Variants in FRMD4A observed in about 807,000 individuals in gnomAD.
FRMD4A encodes FERM domain-containing protein 4A.
Under a neutral mutation model 129.1 loss-of-function variants are expected in FRMD4A, and 29 were observed. That is an observed-to-expected ratio of 0.22 (90% CI 0.17 to 0.31). FRMD4A has a LOEUF of 0.31. Among genes scored for constraint, FRMD4A ranks in the 10% least tolerant of loss-of-function variants. The pLI is 1.00. For synonymous variants in FRMD4A, 634 were observed against 571.6 expected, an observed-to-expected ratio of 1.11 and a Z score of -1.56; for missense variants, 1,272 against 1,375.8, an observed-to-expected ratio of 0.92 and a Z score of 1.19.
intron 2 of FRMD4A, among the ~76,000 whole-genome samples, chr10:13,878,731 C>T (rs374873763): frequency 8.1e-5 from 12 of 147,770 alleles, no homozygotes; most frequent in Middle Eastern, 6.9e-3. Context: ...CCAGCCTGGG[C>T]GACACAGCGA....
At chr10:13,878,681 A>T (rs1489360627) in intron 2 of FRMD4A, among the ~76,000 whole-genome samples, 1 of 151,940 alleles carries the variant, frequency 6.6e-6, no homozygotes, top group Admixed American at 6.6e-5. Flanking sequence ...TGAACCCGGG[A>T]GGCGGAGGTT....
At chr10:13,793,284 G>T (rs1457786998) in intron 5 of FRMD4A, among the ~76,000 whole-genome samples, 1 of 151,334 alleles carries the variant, frequency 6.6e-6, no homozygotes, top group Non-Finnish European at 1.5e-5. Context: ...TGATTCTCCT[G>T]CCTCAGCCTC....
intron 2 of FRMD4A, among the ~76,000 whole-genome samples, chr10:14,201,350 C>T (rs891802290): frequency 6.6e-6 from 1 of 152,186 alleles, no homozygotes; most frequent in Non-Finnish European, 1.5e-5. Context: ...GTTAGAATAA[C>T]TGGCGTCGGT....
At chr10:13,877,813 A>G (rs2094503501) in intron 2 of FRMD4A, among the ~76,000 whole-genome samples, 1 of 152,170 alleles carries the variant, frequency 6.6e-6, no homozygotes, top group South Asian at 2.1e-4. Flanking sequence ...GAACCATCCC[A>G]GACACTTCAT....
At chr10:13,804,445 G>A (rs1588821907) in intron 4 of FRMD4A, among the ~76,000 whole-genome samples, 2 of 152,216 alleles carry the variant, frequency 1.3e-5, no homozygotes, top group South Asian at 4.1e-4. Context: ...CCTGAGGACA[G>A]CACAGACCCA....
chr10:13,812,592 A>C lies in FRMD4A; in HGVS notation c.112-1684T>G, dbSNP rs546370808. ...CCCATAGGGACCTTAGACTTTTAAC[A>C]GGGACACGGAGTAAGAGCTAGCGCT... On this transcript the variant is annotated intron_variant, in intron 3 of 24. Coordinates refer to ENST00000357447, the MANE Select transcript of FRMD4A (RefSeq NM_018027.5). Among the ~76,000 whole-genome samples the C allele has an allele frequency of 3.9e-5, 6 of 152,374 alleles. No individual in the cohort carries two copies. The East Asian group carries it at 1.2e-3, about 29-fold the overall frequency.
At chr10:13,647,364 T>C (rs2081191155) in intron 24 of FRMD4A, 1 of 152,136 alleles carries the variant, frequency 6.6e-6, no homozygotes, top group African/African-American at 2.4e-5. Context: ...CTGGGCCCAA[T>C]TGATTTGGGG....
chr10:14,199,282 TTTTATTTA>T (rs3034001), intron 2 of FRMD4A, among the ~76,000 whole-genome samples: 62,975 of 130,432 alleles, frequency 0.48, 14,373 homozygotes, highest in Middle Eastern at 0.6. Flanking sequence ...AAGTGTCTTA[TTTTATTTA>T]TTTATTTATT....
At chr10:14,049,973 C>T (rs1337120160) in intron 2 of FRMD4A, among the ~76,000 whole-genome samples, 2 of 152,306 alleles carry the variant, frequency 1.3e-5, no homozygotes, top group South Asian at 2.1e-4. Context: ...ATTCTCACGT[C>T]GACAATATTT....
chr10:14,238,564 G>A (rs1029251872), intron 2 of FRMD4A, among the ~76,000 whole-genome samples: 7 of 151,926 alleles, frequency 4.6e-5, no homozygotes, highest in Non-Finnish European at 7.4e-5. Flanking sequence ...TGTGCAGAAC[G>A]TGCAGGTTTG....
At chr10:13,654,811 G>T in intron 22 of FRMD4A, 1 of 460,484 alleles carries the variant, frequency 2.2e-6, no homozygotes, top group Non-Finnish European at 3.8e-6. Flanking sequence ...GCCACCAGGA[G>T]GTAGGCATAG....
At chr10:13,679,804 G>C (rs1012777859) in intron 15 of FRMD4A, among the ~76,000 whole-genome samples, 2 of 152,032 alleles carry the variant, frequency 1.3e-5, no homozygotes, top group Non-Finnish European at 2.9e-5. Flanking sequence ...CTGAGCCTGC[G>C]GGCTGCTACC....
intron 2 of FRMD4A, among the ~76,000 whole-genome samples, chr10:14,122,839 T>A (rs1277075055): frequency 6.6e-6 from 1 of 152,174 alleles, no homozygotes; most frequent in African/African-American, 2.4e-5. Flanking sequence ...TCAATACATA[T>A]ACTGTATAGT....
At chr10:14,242,673 AC>A (rs1367546151) in intron 2 of FRMD4A, among the ~76,000 whole-genome samples, 2 of 152,348 alleles carry the variant, frequency 1.3e-5, no homozygotes, top group South Asian at 2.1e-4. Flanking sequence ...GATAGATGGA[AC>A]ACAAGAGGGA....
chr10:14,241,970 G>T (rs1482477835), intron 2 of FRMD4A, among the ~76,000 whole-genome samples: 1 of 152,054 alleles, frequency 6.6e-6, no homozygotes, highest in Non-Finnish European at 1.5e-5. Flanking sequence ...GTAACACTGA[G>T]CTCAGGAGTA....
chr10:13,657,528 G>A lies in FRMD4A; in HGVS notation c.2067-6C>T, dbSNP rs773732567. On this transcript the variant is annotated splice_region_variant and splice_polypyrimidine_tract_variant and intron_variant, in intron 21 of 24. Transcript: ENST00000357447. ...TGGGGCTGATGTCCACCGACCTGCC[G>A]GGAGACGACCCGGGTTGGTCTGGGG... The A allele has an allele frequency of 2.5e-6, 4 of 1,570,170 alleles. No homozygotes were observed. The highest frequency in any genetic ancestry group is 4.6e-5 in the East Asian group (2 of 43,616).
intron 2 of FRMD4A, among the ~76,000 whole-genome samples, chr10:14,160,651 C>T (rs1840836502): frequency 6.6e-6 from 1 of 152,088 alleles, no homozygotes; most frequent in African/African-American, 2.4e-5. Context: ...AATTATTTCT[C>T]AAAAGAAGAC....
rs539662748 is a variant in FRMD4A, at chr10:14,110,430, A to C, written c.45+219628T>G. On this transcript the variant is annotated intron_variant, in intron 2 of 24. Transcript: ENST00000357447. ...GACACGGACATCCCTGTCTTTGAAA[A>C]CAGCAAACTTGAGAGATTTTATAAA... Among the ~76,000 whole-genome samples the C allele has an allele frequency of 2.6e-5, 4 of 152,286 alleles. No homozygotes were observed. The East Asian group carries it at 7.7e-4, about 29-fold the overall frequency.
Position 14,298,546 on chromosome 10 carries a change from A to G in FRMD4A, c.45+31512T>C, listed in dbSNP as rs1204507701. 2.0e-5 allele frequency among the ~76,000 whole-genome samples: 3 copies of G among 152,320 alleles called. No homozygotes were observed. In the East Asian group the frequency reaches 5.8e-4, roughly 29 times the overall value. On this transcript the variant is annotated intron_variant, in intron 2 of 24. Transcript: ENST00000357447. Reference sequence around the variant, plus strand: ...TGTTGCCTGCTTCTGTGTGTTTTCTAGAGAAGCTACGAGTGTAGATTTTTA... The same window carrying G: ...TGTTGCCTGCTTCTGTGTGTTTTCTGGAGAAGCTACGAGTGTAGATTTTTA...
Sources: gnomAD v4.1 joint callset for allele counts (sites outside exome capture counted in the v4.1 genomes callset) on GRCh38, gnomAD v4.1.1 for gene constraint, MANE v1.5 for transcripts, NCBI Gene and HGNC (gene_info 2026-07-23, HGNC 2026-07-21) for gene names.